Variants in KMT2E observed in about 807,000 individuals in gnomAD.
KMT2E encodes the protein lysine methyltransferase 2E (inactive).
A neutral mutation model predicts 184.6 loss-of-function variants in KMT2E; 30 were observed. The ratio of observed to expected loss-of-function variants is 0.16; its 90% CI spans 0.12 to 0.22. The LOEUF is 0.22. Ranked by LOEUF, KMT2E falls within the 10% of genes least tolerant of loss-of-function variation. KMT2E has a pLI of 1.00. For missense variants in KMT2E, 2,023 were observed against 2,237.4 expected, an observed-to-expected ratio of 0.90 and a Z score of 1.93; for synonymous variants, 815 against 776.5, an observed-to-expected ratio of 1.05 and a Z score of -0.82.
intron 3 of KMT2E, among the ~76,000 whole-genome samples, chr7:105,055,886 TGTTA>T (rs1215394576): frequency 1.3e-5 from 2 of 152,352 alleles, no homozygotes; most frequent in Admixed American, 6.5e-5. Flanking sequence ...TTTGTTTGCC[TGTTA>T]GTTTCTTAAG....
chr7:105,049,961 C>G (rs992330633), intron 3 of KMT2E, among the ~76,000 whole-genome samples: 1 of 152,156 alleles, frequency 6.6e-6, no homozygotes, highest in African/African-American at 2.4e-5. Context: ...CACTTGCCCT[C>G]TGGATCTTAC....
intron 1 of KMT2E, among the ~76,000 whole-genome samples, chr7:105,015,118 G>T (rs1448823607): frequency 6.6e-6 from 1 of 152,128 alleles, no homozygotes; most frequent in Non-Finnish European, 1.5e-5. Flanking sequence ...ACCCGCCCCT[G>T]AAGTGGTCAC....
At chr7:105,032,319 C>T (rs2129564636) in intron 1 of KMT2E, among the ~76,000 whole-genome samples, 1 of 152,154 alleles carries the variant, frequency 6.6e-6, no homozygotes, top group Non-Finnish European at 1.5e-5. Context: ...TGGCAGACAC[C>T]TGTATTCCCA....
At chr7:105,071,566 G>A (rs1433916137) in intron 6 of KMT2E, among the ~76,000 whole-genome samples, 1 of 98,272 alleles carries the variant, frequency 1.0e-5, no homozygotes, top group African/African-American at 3.8e-5. Context: ...ATGTATGTAT[G>A]TATGTATGTG....
intron 5 of KMT2E, among the ~76,000 whole-genome samples, chr7:105,064,780 A>AACTG (rs61500056): frequency 6.6e-6 from 1 of 151,458 alleles, no homozygotes; most frequent in Non-Finnish European, 1.5e-5. Flanking sequence ...AACTAAAAAT[A>AACTG]CAGTGACACT....
chr7:105,032,553 G>A (rs1442568067), intron 1 of KMT2E, among the ~76,000 whole-genome samples: 1 of 152,212 alleles, frequency 6.6e-6, no homozygotes, highest in East Asian at 1.9e-4. Flanking sequence ...CCACGCTGGA[G>A]TACACTGGTG....
intron 1 of KMT2E, among the ~76,000 whole-genome samples, chr7:105,019,702 T>C (rs1412644822): frequency 6.6e-6 from 1 of 152,236 alleles, no homozygotes; most frequent in East Asian, 1.9e-4. Context: ...AGCTTTATTT[T>C]TACGACAATT....
At chr7:105,047,033 C>T (rs927517486) in intron 3 of KMT2E, among the ~76,000 whole-genome samples, 1 of 152,132 alleles carries the variant, frequency 6.6e-6, no homozygotes, top group Non-Finnish European at 1.5e-5. Flanking sequence ...TGGGGTGAAA[C>T]CTGGAGGAAA....
rs1797559165 is a variant in KMT2E at position 105,077,045 on chromosome 7, A to G, written c.851A>G (p.Tyr284Cys). The G allele has an allele frequency of 1.2e-6, 2 of 1,614,058 alleles. No homozygotes were observed. The highest frequency in any genetic ancestry group is 8.5e-7 in the Non-Finnish European group (1 of 1,180,002). Residue 284 changes from tyrosine to cysteine, a missense_variant, in exon 10 of 27, where the codon TAT becomes TGT. Physicochemically the swap from Tyr to Cys is radical, Grantham distance 194. This residue lies in a region of KMT2E where 191 missense variants were observed against 209.0 expected (regional missense o/e 0.91). Coordinates refer to ENST00000311117, the MANE Select transcript of KMT2E (RefSeq NM_182931.3). Reference protein sequence around the residue: ...ETKIKAWMDRYEEANNNQYSE... With the variant: ...ETKIKAWMDRCEEANNNQYSE... ...AAGATCAAAGCATGGATGGATCGAT[A>G]TGAAGAAGCAAATAACAACCAGTAC... is the stretch of plus-strand genomic sequence containing the variant.
Position 105,102,051 on chromosome 7 carries a change from G to A in KMT2E, c.2053G>A (p.Glu685Lys), listed in dbSNP as rs745910498. ...SDIQPSSPDI[E>K]VTSQQNDIEN... ...TATCCAGCCATCTTCTCCTGATATAGAAGTTACTTCACAACAAAATGATAT... is the reference window on the plus strand; with the variant it reads ...TATCCAGCCATCTTCTCCTGATATAAAAGTTACTTCACAACAAAATGATAT... The change falls in exon 17 of 27, where the codon GAA becomes AAA. Residue 685 changes from glutamate to lysine, a missense_variant. Coordinates refer to ENST00000311117, the MANE Select transcript of KMT2E (RefSeq NM_182931.3). 1.2e-6 allele frequency: 2 copies of A among 1,613,892 alleles called. No homozygotes were observed. Among genetic ancestry groups the A allele is most frequent in the South Asian group, 2.2e-5 (2 of 91,072 alleles).
In KMT2E at chr7:105,073,804, G is replaced by A. The variant is rs1797425665; in HGVS notation, c.556+127G>A. Reference sequence around the variant, plus strand: ...AATACCTTGTTGATGAATGTTGATTGTACAGAGAGTATGCAATCTCTGGTA... The same window carrying A: ...AATACCTTGTTGATGAATGTTGATTATACAGAGAGTATGCAATCTCTGGTA... On this transcript the variant is annotated intron_variant, in intron 7 of 26. Transcript: ENST00000311117. 11 of 597,050 alleles carry A rather than the reference G, an allele frequency of 1.8e-5. No individual in the cohort carries two copies. The South Asian group carries it at 1.9e-4, about 10-fold the overall frequency. 37.0% of individuals were successfully genotyped at this position (597,050 alleles called of 1,614,324 possible).
intron 3 of KMT2E, among the ~76,000 whole-genome samples, chr7:105,045,110 G>T (rs1319473025): frequency 1.3e-5 from 2 of 152,100 alleles, no homozygotes; most frequent in Non-Finnish European, 2.9e-5. Context: ...AATCCTTATG[G>T]TGTTCTTCCT....
intron 1 of KMT2E, among the ~76,000 whole-genome samples, chr7:105,036,604 G>T (rs1243055412): frequency 6.6e-6 from 1 of 152,124 alleles, no homozygotes; most frequent in Admixed American, 6.5e-5. Context: ...TTGTAAAATG[G>T]GGATAATAAA....
chr7:105,112,647 C>T lies in KMT2E; in HGVS notation c.4891C>T (p.Pro1631Ser). 6.2e-7 allele frequency: 1 copy of T among 1,614,024 alleles called. No individual in the cohort carries two copies. The highest frequency in any genetic ancestry group is 8.5e-7 in the Non-Finnish European group (1 of 1,179,984). The change falls in exon 27 of 27, where the codon CCA becomes TCA. Residue 1631 changes from proline (P) to serine (S), a missense_variant. Physicochemically the swap from Pro to Ser is moderately conservative, Grantham distance 74 (BLOSUM62 -1). This residue lies in a region of KMT2E where 1,108 missense variants were observed against 1,050.9 expected (regional missense o/e 1.05). Transcript: ENST00000311117. ...TGCTGCCGTAGTCCCCCCTCCTCCT[C>T]CACCACCACCTGCTCCAGGACCGCA... ...TAAAVVPPPP[P>S]PPPAPGPHLV...
At chr7:105,104,979 G>T (rs1357510134) in intron 17 of KMT2E, 1 of 152,968 alleles carries the variant, frequency 6.5e-6, no homozygotes, top group Non-Finnish European at 1.5e-5. Flanking sequence ...ACCAGCCTGG[G>T]CAATATAGCG....
At chr7:105,077,678 A>G (rs1033752601) in intron 11 of KMT2E, 17 of 380,216 alleles carry the variant, frequency 4.5e-5, no homozygotes, top group Admixed American at 8.6e-5. Flanking sequence ...AAAATCCTAA[A>G]ACAATCTACT....
intron 1 of KMT2E, among the ~76,000 whole-genome samples, chr7:105,020,219 G>A (rs1280369885): frequency 6.6e-6 from 1 of 152,090 alleles, no homozygotes; most frequent in Non-Finnish European, 1.5e-5. Context: ...AGCCAACTTG[G>A]TTGCAGCATT....
intron 1 of KMT2E, among the ~76,000 whole-genome samples, chr7:105,020,769 A>G (rs928842330): frequency 6.6e-6 from 1 of 152,338 alleles, no homozygotes; most frequent in Non-Finnish European, 1.5e-5. Context: ...ATAAGCTTAA[A>G]GATTAAATAT....
At chr7:105,053,148 G>A (rs1392850163) in intron 3 of KMT2E, among the ~76,000 whole-genome samples, 3 of 152,052 alleles carry the variant, frequency 2.0e-5, no homozygotes, top group African/African-American at 4.8e-5. Flanking sequence ...TTTAAGTCGC[G>A]GTTTTGGTTA....
Sources: allele counts gnomAD v4.1 joint callset (sites outside exome capture counted in the v4.1 genomes callset), GRCh38; gene constraint gnomAD v4.1.1; regional missense constraint gnomAD v4.1.1; transcripts MANE v1.5; gene names NCBI Gene and HGNC (gene_info 2026-07-23, HGNC 2026-07-21).